FRMPD4: variants seen among roughly 807,000 people sequenced by gnomAD.
FRMPD4 encodes FERM and PDZ domain containing 4, also known as FERM and PDZ domain-containing protein 4.
In FRMPD4, 22 loss-of-function variants were observed where a neutral mutation model predicts 94.1. The ratio of observed to expected loss-of-function variants is 0.23; its 90% confidence interval spans 0.17 to 0.33. The LOEUF (loss-of-function observed/expected upper bound fraction) is 0.33, where lower values mean the gene tolerates loss of function less well. FRMPD4 is among the 10% of genes least tolerant of loss of function. The probability of loss-of-function intolerance (pLI) is 1.00; values close to 1 mark genes in which losing one functional copy is unlikely to be tolerated. For missense variants in FRMPD4, 1,111 were observed against 1,339.9 expected, an observed-to-expected ratio of 0.83 and a Z score of 2.67; for synonymous variants, 631 against 548.6, an observed-to-expected ratio of 1.15 and a Z score of -2.10.
At chrX:12,573,280 C>T (rs2058777146) in intron 2 of FRMPD4, among the ~76,000 whole-genome samples, 1 of 112,209 alleles carries the variant, frequency 8.9e-6, no homozygotes, top group African/African-American at 3.2e-5. Context: ...AGAGCTCTGC[C>T]TGTCTTATTA....
At chrX:11,873,055 C>G (rs1279711414) in intron 2 of FRMPD4, among the ~76,000 whole-genome samples, 1 of 111,817 alleles carries the variant, frequency 8.9e-6, no homozygotes, top group Admixed American at 9.5e-5. Context: ...AGCACCAAAT[C>G]TGCAGAAACA....
At chrX:12,634,824 C>CTT (rs780126204) in intron 4 of FRMPD4, among the ~76,000 whole-genome samples, 1,162 of 52,207 alleles carry the variant, frequency 0.022, 113 homozygotes, top group African/African-American at 0.032. Context: ...GTCCATCTCT[C>CTT]TTTTTTTTTT....
In FRMPD4 at chrX:12,720,873, C is replaced by T; in HGVS notation, c.4304C>T (p.Ala1435Val). ...TTAAAGTGTCCAGGCATCACAGAAGCACAGGAGGCCAGTTCTGAAAGGCGA... is the reference window on the plus strand; with the variant it reads ...TTAAAGTGTCCAGGCATCACAGAAGTACAGGAGGCCAGTTCTGAAAGGCGA... ...VSLKCPGITE[A>V]QEASSERRAE... The change falls in exon 17 of 17, where the codon GCA (alanine) becomes GTA (valine). Residue 1435 changes from alanine to valine, a missense_variant. This residue lies in a region of FRMPD4 where 551 missense variants were observed against 591.6 expected (regional missense o/e 0.93). Coordinates refer to ENST00000675598, the MANE Select transcript of FRMPD4 (RefSeq NM_001368397.1). 1.2e-6 allele frequency: 1 copy of T among 858,144 alleles called. No individual in the cohort carries two copies. The highest frequency in any genetic ancestry group is 1.4e-6 in the Non-Finnish European group (1 of 704,283). 70.7% of individuals were successfully genotyped at this position (858,144 alleles called of 1,213,427 possible).
At chrX:12,452,605 A>C (rs778929502) in intron 1 of FRMPD4, among the ~76,000 whole-genome samples, 2 of 112,253 alleles carry the variant, frequency 1.8e-5, no homozygotes, top group Admixed American at 1.9e-4. Flanking sequence ...TGCCCCCTCA[A>C]AAAAAGATTG....
At chrX:11,935,252 T>G (rs868829470) in intron 3 of FRMPD4, among the ~76,000 whole-genome samples, 1 of 38,558 alleles carries the variant, frequency 2.6e-5, no homozygotes, top group Non-Finnish European at 4.5e-5. Flanking sequence ...TTTTGTTGTT[T>G]TTTTTTTTTT....
chrX:12,638,667 A>G (rs1443436319), intron 4 of FRMPD4, among the ~76,000 whole-genome samples: 4 of 96,894 alleles, frequency 4.1e-5, no homozygotes, highest in African/African-American at 1.2e-4. Context: ...GTCTCCTTCT[A>G]TGAACATTAT....
intron 1 of FRMPD4, among the ~76,000 whole-genome samples, chrX:12,438,702 CA>C (rs1178214308): frequency 1.8e-5 from 2 of 111,185 alleles, no homozygotes; most frequent in African/African-American, 6.6e-5. Context: ...GAAGGGGTGA[CA>C]AAAACCCCGA....
At chrX:11,965,892 A>G (rs1283950619) in intron 3 of FRMPD4, among the ~76,000 whole-genome samples, 2 of 112,137 alleles carry the variant, frequency 1.8e-5, no homozygotes, top group Non-Finnish European at 3.8e-5. Context: ...TGAGGCAAGA[A>G]GTTCTTTCCT....
chrX:12,659,681 G>T (rs2059695128), intron 4 of FRMPD4, among the ~76,000 whole-genome samples: 1 of 112,810 alleles, frequency 8.9e-6, no homozygotes. Context: ...ATAAATATTT[G>T]CTGAAGGAAT....
chrX:12,080,368 C>G (rs757385528), intron 3 of FRMPD4, among the ~76,000 whole-genome samples: 6 of 112,198 alleles, frequency 5.3e-5, no homozygotes, highest in Non-Finnish European at 9.4e-5. Flanking sequence ...ATCACCTCTT[C>G]TTGACAGCCT....
At chrX:11,982,331 T>C (rs1448371087) in intron 3 of FRMPD4, among the ~76,000 whole-genome samples, 1 of 111,008 alleles carries the variant, frequency 9.0e-6, no homozygotes, top group Non-Finnish European at 1.9e-5. Flanking sequence ...TCCCCGTCTT[T>C]TGAGATCTTC....
At chrX:12,030,864 A>G (rs2054687632) in intron 3 of FRMPD4, among the ~76,000 whole-genome samples, 1 of 111,711 alleles carries the variant, frequency 9.0e-6, no homozygotes, top group African/African-American at 3.3e-5. Context: ...CTCACCCCAA[A>G]CCCAACTGAG....
At chrX:12,151,496 C>G (rs1382760929) in intron 1 of FRMPD4, among the ~76,000 whole-genome samples, 3 of 111,502 alleles carry the variant, frequency 2.7e-5, no homozygotes, top group Non-Finnish European at 5.7e-5. Context: ...ATTCAAGAGT[C>G]CAAACAACAA....
chrX:12,130,589 T>C (rs2055544129), intron 3 of FRMPD4, among the ~76,000 whole-genome samples: 2 of 111,458 alleles, frequency 1.8e-5, no homozygotes, highest in South Asian at 7.6e-4. Flanking sequence ...ATTGAATGAA[T>C]TAATAAGTAA....
chrX:12,599,785 T>C (rs1411829972), intron 2 of FRMPD4, among the ~76,000 whole-genome samples: 1 of 110,883 alleles, frequency 9.0e-6, no homozygotes, highest in Non-Finnish European at 1.9e-5. Flanking sequence ...AATCCTTACA[T>C]TTTTTTTGCT....
chrX:11,834,852 T>C (rs2053493229), intron 1 of FRMPD4, among the ~76,000 whole-genome samples: 1 of 112,112 alleles, frequency 8.9e-6, no homozygotes, highest in African/African-American at 3.2e-5. Context: ...ATACCTATTA[T>C]CCATCTGCTT....
chrX:12,527,868 G>A (rs1473999928), intron 2 of FRMPD4, among the ~76,000 whole-genome samples: 1 of 112,108 alleles, frequency 8.9e-6, no homozygotes, highest in Non-Finnish European at 1.9e-5. Flanking sequence ...TTCAATTCAA[G>A]GACATTTTAA....
intron 3 of FRMPD4, among the ~76,000 whole-genome samples, chrX:11,959,862 A>T (rs768086506): frequency 9.0e-6 from 1 of 111,374 alleles, no homozygotes; most frequent in Non-Finnish European, 1.9e-5. Context: ...ATTTCTTACG[A>T]TATAAATGCC....
chrX:12,272,062 G>A (rs1474046523), intron 1 of FRMPD4, among the ~76,000 whole-genome samples: 2 of 112,309 alleles, frequency 1.8e-5, no homozygotes, highest in African/African-American at 6.5e-5. Flanking sequence ...TATAGATGTG[G>A]ACTTTGAATA....
Sources: allele counts gnomAD v4.1 joint callset (sites outside exome capture counted in the v4.1 genomes callset), GRCh38; gene constraint gnomAD v4.1.1; regional missense constraint gnomAD v4.1.1; transcripts MANE v1.5; gene names NCBI Gene and HGNC (gene_info 2026-07-23, HGNC 2026-07-21).